Variants in CSMD3 observed in about 807,000 individuals in gnomAD.
The protein encoded by CSMD3 is CUB and Sushi multiple domains 3, also known as CUB and sushi domain-containing protein 3.
CSMD3 carries 177 observed loss-of-function variants against 435.2 expected under a neutral mutation model. That is an observed-to-expected ratio of 0.41 (90% CI 0.36 to 0.46). The LOEUF (loss-of-function observed/expected upper bound fraction) is 0.46, where lower values mean the gene tolerates loss of function less well. CSMD3 is among the 20% of genes least tolerant of loss of function. The pLI, the probability that CSMD3 is intolerant of heterozygous loss-of-function variation, is 0.34. For missense variants in CSMD3, 4,265 were observed against 4,504.6 expected (o/e 0.95, Z 1.52); for synonymous variants, 1,656 against 1,520.5 (o/e 1.09, Z -2.07).
intron 61 of CSMD3, among the ~76,000 whole-genome samples, chr8:112,258,783 T>C (rs1816069632): frequency 2.0e-5 from 3 of 152,188 alleles, no homozygotes. Flanking sequence ...CTCACGCCTG[T>C]AATCCCAGCA....
chr8:113,391,332 G>A (rs984702609), intron 1 of CSMD3, among the ~76,000 whole-genome samples: 6 of 151,980 alleles, frequency 3.9e-5, no homozygotes, highest in African/African-American at 7.2e-5. Flanking sequence ...ATAAAACATT[G>A]TAGTAATTAG....
chr8:112,702,841 G>A (rs969598294), intron 13 of CSMD3, among the ~76,000 whole-genome samples: 6 of 152,060 alleles, frequency 3.9e-5, no homozygotes, highest in African/African-American at 1.2e-4. Flanking sequence ...ACTCCATACC[G>A]CTGTCCTCCA....
chr8:112,658,788 T>A (rs1199017619), intron 17 of CSMD3, among the ~76,000 whole-genome samples: 4 of 152,040 alleles, frequency 2.6e-5, no homozygotes, highest in African/African-American at 9.7e-5. Context: ...CAAAACCCTG[T>A]CTCTACTAAA....
At chr8:113,165,808 C>T (rs764185527) in intron 4 of CSMD3, among the ~76,000 whole-genome samples, 1 of 151,658 alleles carries the variant, frequency 6.6e-6, no homozygotes, top group Non-Finnish European at 1.5e-5. Flanking sequence ...CTATTGCATA[C>T]AAGATGAGGG....
At chr8:112,233,854 T>A (rs913409244) in intron 68 of CSMD3, among the ~76,000 whole-genome samples, 3 of 152,128 alleles carry the variant, frequency 2.0e-5, no homozygotes, top group African/African-American at 7.2e-5. Context: ...AGGAAGCAGC[T>A]CACATAAGTT....
At chr8:112,380,277 A>G in intron 38 of CSMD3, 75 bp downstream of exon 38, 1 of 816,268 alleles carries the variant, frequency 1.2e-6, no homozygotes, top group East Asian at 2.6e-5. Flanking sequence ...TAATATGTAC[A>G]TATCAACAAA....
chr8:113,013,703 A>AT (rs1280628279), intron 6 of CSMD3, among the ~76,000 whole-genome samples: 3 of 151,902 alleles, frequency 2.0e-5, no homozygotes, highest in Non-Finnish European at 4.4e-5. Context: ...GGCTCCAACC[A>AT]TTTTTCTTCT....
At chr8:112,384,397 A>C (rs1170276997) in intron 36 of CSMD3, among the ~76,000 whole-genome samples, 4 of 152,222 alleles carry the variant, frequency 2.6e-5, no homozygotes, top group African/African-American at 9.7e-5. Context: ...CAGTTTATTT[A>C]GAGAAAGATG....
chr8:112,651,623 C>CA (rs2075129385), intron 18 of CSMD3, among the ~76,000 whole-genome samples: 1 of 150,998 alleles, frequency 6.6e-6, no homozygotes, highest in South Asian at 2.1e-4. Flanking sequence ...CTGTGACCTT[C>CA]ACCTGCCGGG....
intron 5 of CSMD3, among the ~76,000 whole-genome samples, chr8:113,065,146 G>C (rs549018258): frequency 6.6e-5 from 10 of 152,220 alleles, no homozygotes; most frequent in Admixed American, 6.5e-4. Flanking sequence ...CTTTGGGCTT[G>C]CTTGGATTGT....
At position 112,557,507 on chromosome 8, in the gene CSMD3, G is replaced by T. The variant is rs1026337027; in HGVS notation, c.4043-553C>A. Among the ~76,000 whole-genome samples the T allele has an allele frequency of 4.7e-4, 71 of 151,966 alleles. 2 individuals are homozygous for T. Among genetic ancestry groups the T allele is most frequent in the Non-Finnish European group, 1.5e-5 (1 of 67,950 alleles). On this transcript the variant is annotated intron_variant, in intron 24 of 70. Coordinates refer to ENST00000297405, the MANE Select transcript of CSMD3 (RefSeq NM_198123.2). ...ACTTTCAGTGCCGTCCCCATGGCCG[G>T]GTCATATACATACATCTCCGTGGAG...
chr8:113,294,854 TA>T (rs1254883473), intron 2 of CSMD3, among the ~76,000 whole-genome samples: 4 of 152,022 alleles, frequency 2.6e-5, no homozygotes, highest in Admixed American at 6.6e-5. Flanking sequence ...CATAACATCA[TA>T]AATAGTAATG....
Position 112,318,964 on chromosome 8 carries a change from G to A in CSMD3, c.7247-14C>T, listed in dbSNP as rs1336989067. ...TAATAATATCACCTATTAAACAAAA[G>A]AGGGGAGGTTTCATATAAGCAACAA... On this transcript the variant is annotated splice_polypyrimidine_tract_variant and intron_variant, in intron 46 of 70. Transcript: ENST00000297405. 2.7e-6 allele frequency: 4 copies of A among 1,458,388 alleles called. No homozygotes were observed. The highest frequency in any genetic ancestry group is 3.8e-6 in the Non-Finnish European group (4 of 1,040,900). The allele number at this position is 1,458,388 out of a possible 1,614,324, so 90.3% of individuals were successfully genotyped here. A position where few individuals can be genotyped will look rare whatever the true frequency, so the allele number is the denominator to read the frequency against.
At chr8:112,750,459 TAAC>T (rs1338772317) in intron 13 of CSMD3, among the ~76,000 whole-genome samples, 2 of 151,814 alleles carry the variant, frequency 1.3e-5, no homozygotes, top group African/African-American at 2.4e-5. Context: ...ATAAGAAACA[TAAC>T]AACTTGATGA....
intron 1 of CSMD3, among the ~76,000 whole-genome samples, chr8:113,349,597 C>T (rs1217056006): frequency 1.3e-5 from 2 of 152,018 alleles, no homozygotes; most frequent in Non-Finnish European, 2.9e-5. Context: ...GCTTGGGCAA[C>T]ACAGTGAGAA....
intron 49 of CSMD3, among the ~76,000 whole-genome samples, chr8:112,313,357 A>G (rs1003770351): frequency 6.6e-6 from 1 of 152,150 alleles, no homozygotes; most frequent in Non-Finnish European, 1.5e-5. Flanking sequence ...GACATTTAAG[A>G]TATTTTAGCA....
chr8:112,484,605 TG>T (rs1001527882), intron 31 of CSMD3, among the ~76,000 whole-genome samples: 15 of 152,030 alleles, frequency 9.9e-5, no homozygotes, highest in Non-Finnish European at 1.6e-4. Context: ...TAGTTGAGAA[TG>T]GGGCACATCT....
At chr8:112,913,845 T>G (rs1252381511) in intron 10 of CSMD3, among the ~76,000 whole-genome samples, 2 of 151,934 alleles carry the variant, frequency 1.3e-5, no homozygotes, top group Admixed American at 6.6e-5. Context: ...CTATAAAAAT[T>G]TTTGTACTCT....
chr8:112,920,475 TCA>T (rs1218368648), intron 10 of CSMD3, among the ~76,000 whole-genome samples: 2 of 151,918 alleles, frequency 1.3e-5, no homozygotes, highest in African/African-American at 4.8e-5. Context: ...CTATACTCTG[TCA>T]CAAGTCAGTG....
Sources: allele counts gnomAD v4.1 joint callset (sites outside exome capture counted in the v4.1 genomes callset), GRCh38; gene constraint gnomAD v4.1.1; transcripts MANE v1.5; gene names NCBI Gene and HGNC (gene_info 2026-07-23, HGNC 2026-07-21).